CRTAC1: variants seen among roughly 807,000 people sequenced by gnomAD.
The protein encoded by CRTAC1 is cartilage acidic protein 1.
In CRTAC1, 37 loss-of-function variants were observed where a neutral mutation model predicts 67.8. The observed-to-expected ratio is 0.55, with a 90% confidence interval of 0.42 to 0.72. The LOEUF is 0.72. CRTAC1 is among the 30% of genes least tolerant of loss of function. The pLI, the probability that CRTAC1 is intolerant of heterozygous loss-of-function variation, is 0.00. For synonymous variants in CRTAC1, 348 were observed against 371.0 expected, an observed-to-expected ratio of 0.94 and a Z score of 0.71; for missense variants, 780 against 931.6, an observed-to-expected ratio of 0.84 and a Z score of 2.12.
chr10:98,011,981 C>T (rs1391378891), intron 1 of CRTAC1, among the ~76,000 whole-genome samples: 1 of 152,076 alleles, frequency 6.6e-6, no homozygotes, highest in Non-Finnish European at 1.5e-5. Flanking sequence ...GGTACATACT[C>T]CAGAGGTAGC....
chr10:97,986,721 A>C (rs2136668514), intron 2 of CRTAC1, among the ~76,000 whole-genome samples: 1 of 152,296 alleles, frequency 6.6e-6, no homozygotes, highest in Non-Finnish European at 1.5e-5. Context: ...AGATGACAAC[A>C]ATTTCATTCA....
chr10:98,015,202 G>C (rs1312560064), intron 1 of CRTAC1, among the ~76,000 whole-genome samples: 1 of 152,200 alleles, frequency 6.6e-6, no homozygotes. Flanking sequence ...AGAGTACAAG[G>C]TGGGTAAATC....
At position 98,014,655 on chromosome 10, in the gene CRTAC1, AAT is replaced by A. The variant is rs559224827; in HGVS notation, c.25-3320_25-3319del. On this transcript the variant is annotated intron_variant, in intron 1 of 14. Transcript: ENST00000370597. Reference sequence around the variant, plus strand: ...AACCTGACTCAAAACAAATGACTTGAATAGACATTTCTCCGAAGATATACAAA... The same window carrying A: ...AACCTGACTCAAAACAAATGACTTGAAGACATTTCTCCGAAGATATACAAA... 4.4e-3 allele frequency among the ~76,000 whole-genome samples: 671 copies of A among 152,344 alleles called. 2 individuals are homozygous for A. The highest frequency in any genetic ancestry group is 6.8e-3 in the Middle Eastern group (2 of 294).
Position 97,904,817 on chromosome 10 carries a change from G to T in CRTAC1, c.851-3C>A. ...ATGCTGGTGGGGGTCGTCCACACCTGGGGAGGAGAGGCAGGAACTCTCAGG... is the reference window on the plus strand; with the variant it reads ...ATGCTGGTGGGGGTCGTCCACACCTTGGGAGGAGAGGCAGGAACTCTCAGG... On this transcript the variant is annotated splice_polypyrimidine_tract_variant and splice_region_variant and intron_variant, in intron 6 of 14. Coordinates refer to ENST00000370597, the MANE Select transcript of CRTAC1 (RefSeq NM_018058.7). 6.3e-7 allele frequency: 1 copy of T among 1,592,352 alleles called. No homozygotes were observed.
In CRTAC1 at chr10:97,865,652, C is replaced by T. The variant is rs149369679; in HGVS notation, c.1882G>A (p.Ala628Thr). Residue 628 changes from alanine to threonine, a missense_variant, in exon 15 of 15, where the codon GCT (alanine) becomes ACT (threonine). Coordinates refer to ENST00000370597, the MANE Select transcript of CRTAC1 (RefSeq NM_018058.7). ...GCAGCTCCAGCAGCGGCAGCAGCAG[C>T]GGCAGTGGCAGCAGCAGCGGTGGGG... ...TTPTAAAATA[A>T]AAAAAGAATA... The T allele has an allele frequency of 4.8e-5, 78 of 1,611,392 alleles. No individual in the cohort carries two copies. Among genetic ancestry groups the T allele is most frequent in the Admixed American group, 5.0e-5 (3 of 59,854 alleles).
At chr10:97,954,558 C>T (rs1309325478) in intron 2 of CRTAC1, among the ~76,000 whole-genome samples, 1 of 152,144 alleles carries the variant, frequency 6.6e-6, no homozygotes, top group Non-Finnish European at 1.5e-5. Flanking sequence ...AGGAGGACAC[C>T]ATGAATGCAT....
At chr10:97,923,502 C>G in intron 3 of CRTAC1, 102 bp from the exon 4 acceptor site, 1 of 1,465,316 alleles carries the variant, frequency 6.8e-7, no homozygotes, top group Non-Finnish European at 9.4e-7. Context: ...TGGTTGGGAC[C>G]AGAGGAGGTT....
At chr10:97,903,161 T>G (rs2050564990) in intron 7 of CRTAC1, among the ~76,000 whole-genome samples, 1 of 150,022 alleles carries the variant, frequency 6.7e-6, no homozygotes, top group Admixed American at 6.7e-5. Context: ...TTCGGAAGAA[T>G]TAACAGGGTT....
intron 2 of CRTAC1, among the ~76,000 whole-genome samples, chr10:97,966,217 A>T (rs2051613893): frequency 6.6e-6 from 1 of 152,234 alleles, no homozygotes; most frequent in Admixed American, 6.5e-5. Context: ...TAGCCACTAC[A>T]GGCATGTGCC....
intron 6 of CRTAC1, 90 bp downstream of exon 6, chr10:97,907,923 A>C (rs1343997510): frequency 8.5e-6 from 12 of 1,405,622 alleles, no homozygotes; most frequent in Non-Finnish European, 1.2e-5. Flanking sequence ...GCCAGAAGAG[A>C]CTATCCTGGA....
In CRTAC1 at chr10:97,865,429, T is replaced by TG; in HGVS notation, c.*118dup. 8.1e-7 allele frequency: 1 copy of TG among 1,231,682 alleles called. No homozygotes were observed. Among genetic ancestry groups the TG allele is most frequent in the Non-Finnish European group, 1.1e-6 (1 of 898,494 alleles). 76.3% of individuals were successfully genotyped at this position (1,231,682 alleles called of 1,614,324 possible). A position where few individuals can be genotyped will look rare whatever the true frequency, so the allele number is the denominator to read the frequency against. On this transcript the variant is annotated 3_prime_UTR_variant, in exon 15 of 15. Coordinates refer to ENST00000370597, the MANE Select transcript of CRTAC1 (RefSeq NM_018058.7). ...TTGTTAGCTAAGTAATGTGCATGGA[T>TG]GGGCTTGGGGAGGGTCTAGCTCCCA...
At chr10:97,888,391 G>A (rs1481907297) in intron 11 of CRTAC1, among the ~76,000 whole-genome samples, 2 of 152,138 alleles carry the variant, frequency 1.3e-5, no homozygotes, top group Non-Finnish European at 1.5e-5. Context: ...GTGGGCCAAG[G>A]TACAGCAGCG....
intron 8 of CRTAC1, 22 bp downstream of exon 8, chr10:97,901,474 AGAGCCAC>A: frequency 1.2e-6 from 2 of 1,613,934 alleles, no homozygotes; most frequent in Non-Finnish European, 1.7e-6. Flanking sequence ...TCAAGGATGA[AGAGCCAC>A]GAGCCAGGAT....
intron 1 of CRTAC1, among the ~76,000 whole-genome samples, chr10:98,021,855 G>T (rs1040238447): frequency 6.6e-6 from 1 of 152,190 alleles, no homozygotes; most frequent in Non-Finnish European, 1.5e-5. Context: ...AGGGGACCCT[G>T]ATGGAGTTCT....
chr10:97,980,216 C>G (rs533716018), intron 2 of CRTAC1, among the ~76,000 whole-genome samples: 1 of 152,220 alleles, frequency 6.6e-6, no homozygotes, highest in African/African-American at 2.4e-5. Context: ...GCCAGGCACA[C>G]AGTCGGTGCT....
intron 2 of CRTAC1, among the ~76,000 whole-genome samples, chr10:97,992,189 A>G (rs1267746599): frequency 6.6e-6 from 1 of 152,142 alleles, no homozygotes; most frequent in Non-Finnish European, 1.5e-5. Context: ...CAGAATAGGG[A>G]AGCAACTTTA....
intron 4 of CRTAC1, 114 bp downstream of exon 4, chr10:97,923,150 A>G: frequency 4.1e-6 from 5 of 1,217,458 alleles, no homozygotes; most frequent in Non-Finnish European, 3.5e-6. Flanking sequence ...TTAGCACCCA[A>G]TCTATCCAAG....
In CRTAC1 at chr10:97,923,299, AG is replaced by A. The variant is rs771002692; in HGVS notation, c.522del (p.Phe175LeufsTer149). 6.2e-7 allele frequency: 1 copy of A among 1,614,146 alleles called. No individual in the cohort carries two copies. The highest frequency in any genetic ancestry group is 8.5e-7 in the Non-Finnish European group (1 of 1,180,034). ...EVNVARGVASLFAGRSVACVD... is the reference protein window; with the variant it reads ...EVNVARGVASXFAGRSVACVD... ...ACACAGGCCACAGAGCGTCCGGCAA[AG>A]AGGCTGGCCACACCACGGGCCACGT... On this transcript the variant is annotated frameshift_variant, in exon 4 of 15. Transcript: ENST00000370597. LOFTEE classifies it high-confidence loss of function.
intron 4 of CRTAC1, among the ~76,000 whole-genome samples, chr10:97,919,600 A>C (rs953622148): frequency 6.6e-6 from 1 of 152,016 alleles, no homozygotes; most frequent in Admixed American, 6.6e-5. Context: ...CTTGCTACTC[A>C]AAGTGGTCCC....
Sources: allele counts gnomAD v4.1 joint callset (sites outside exome capture counted in the v4.1 genomes callset), GRCh38; gene constraint gnomAD v4.1.1; transcripts MANE v1.5; gene names NCBI Gene and HGNC (gene_info 2026-07-23, HGNC 2026-07-21).